Variants in CACNA2D3 observed in about 807,000 individuals in gnomAD.
CACNA2D3 encodes calcium voltage-gated channel auxiliary subunit alpha2delta 3.
A neutral mutation model predicts 160.6 loss-of-function variants in CACNA2D3; 60 were observed. The observed-to-expected ratio is 0.37, with a 90% CI of 0.30 to 0.46. The LOEUF is 0.46. CACNA2D3 is among the 20% of genes least tolerant of loss of function. The pLI, the probability that CACNA2D3 is intolerant of heterozygous loss-of-function variation, is 1.00. For missense variants in CACNA2D3, 1,205 were observed against 1,365.0 expected, an observed-to-expected ratio of 0.88 and a Z score of 1.85; for synonymous variants, 558 against 492.9, an observed-to-expected ratio of 1.13 and a Z score of -1.75.
intron 11 of CACNA2D3, among the ~76,000 whole-genome samples, chr3:54,672,574 G>A (rs951105804): frequency 6.6e-6 from 1 of 152,210 alleles, no homozygotes; most frequent in Non-Finnish European, 1.5e-5. Flanking sequence ...GTTGGGAATA[G>A]TATGTGCTAT....
At chr3:54,812,565 G>C (rs1341202471) in intron 13 of CACNA2D3, among the ~76,000 whole-genome samples, 1 of 152,112 alleles carries the variant, frequency 6.6e-6, no homozygotes, top group Non-Finnish European at 1.5e-5. Context: ...ATGGTGGCTG[G>C]GTTCTCTGTC....
intron 2 of CACNA2D3, among the ~76,000 whole-genome samples, chr3:54,149,563 C>T (rs928789483): frequency 2.0e-5 from 3 of 152,106 alleles, no homozygotes; most frequent in African/African-American, 7.2e-5. Flanking sequence ...GGCCCACAGA[C>T]TCCTCCTCTC....
At chr3:54,548,600 A>C (rs893836446) in intron 5 of CACNA2D3, among the ~76,000 whole-genome samples, 38 of 152,142 alleles carry the variant, frequency 2.5e-4, no homozygotes, top group African/African-American at 8.7e-4. Flanking sequence ...TTCAGTAGAC[A>C]CCACCTTCTT....
chr3:54,885,436 C>T lies in CACNA2D3; in HGVS notation c.1959-53C>T. 2 of 1,596,590 alleles carry T rather than the reference C, an allele frequency of 1.3e-6. 1 individual carries two copies. Among genetic ancestry groups the T allele is most frequent in the South Asian group, 2.2e-5 (2 of 90,694 alleles). ...TTTCCTGATTCCAAGGCAAAGGAAG[C>T]AGATGCTGTAAATATTGACATGCTC... On this transcript the variant is annotated intron_variant, in intron 22 of 37. Transcript: ENST00000474759.
intron 16 of CACNA2D3, among the ~76,000 whole-genome samples, chr3:54,838,892 C>T (rs1176340414): frequency 6.6e-6 from 1 of 151,976 alleles, no homozygotes; most frequent in African/African-American, 2.4e-5. Flanking sequence ...AATGTTATAT[C>T]TTAAGTTTTG....
intron 2 of CACNA2D3, among the ~76,000 whole-genome samples, chr3:54,288,956 C>G (rs952648786): frequency 2.6e-4 from 39 of 152,126 alleles, no homozygotes; most frequent in Non-Finnish European, 2.5e-4. Flanking sequence ...AACCCACAGC[C>G]AATATCATAC....
At chr3:54,714,461 G>A (rs1162270315) in intron 11 of CACNA2D3, among the ~76,000 whole-genome samples, 1 of 152,086 alleles carries the variant, frequency 6.6e-6, no homozygotes, top group Non-Finnish European at 1.5e-5. Context: ...CAGTCCTGTA[G>A]CCACTCTCAG....
At chr3:54,422,977 T>C (rs1013895198) in intron 4 of CACNA2D3, among the ~76,000 whole-genome samples, 1 of 152,182 alleles carries the variant, frequency 6.6e-6, no homozygotes, top group Non-Finnish European at 1.5e-5. Context: ...CGTTATTCCT[T>C]CTAGAATGAA....
At chr3:54,335,285 T>G (rs1047043324) in intron 3 of CACNA2D3, among the ~76,000 whole-genome samples, 11 of 152,204 alleles carry the variant, frequency 7.2e-5, no homozygotes, top group Non-Finnish European at 1.2e-4. Context: ...TAAAGTAAAG[T>G]GAAAGCAAGT....
chr3:55,045,215 A>AT (rs1704048873), intron 35 of CACNA2D3, among the ~76,000 whole-genome samples: 1 of 152,014 alleles, frequency 6.6e-6, no homozygotes, highest in Non-Finnish European at 1.5e-5. Context: ...TGACTGGCTA[A>AT]TTTTTTGTAT....
chr3:54,194,090 T>G (rs1317182366), intron 2 of CACNA2D3, among the ~76,000 whole-genome samples: 1 of 151,488 alleles, frequency 6.6e-6, no homozygotes, highest in Non-Finnish European at 1.5e-5. Flanking sequence ...TGAGTGGTGG[T>G]GGGGGATAAA....
intron 3 of CACNA2D3, among the ~76,000 whole-genome samples, chr3:54,323,576 C>G (rs1381004784): frequency 1.3e-5 from 2 of 151,832 alleles, no homozygotes; most frequent in Non-Finnish European, 2.9e-5. Context: ...ACGCCTTTCT[C>G]CTGCCTCAGC....
intron 35 of CACNA2D3, among the ~76,000 whole-genome samples, chr3:55,061,842 A>G (rs932247165): frequency 1.6e-4 from 25 of 152,222 alleles, no homozygotes; most frequent in African/African-American, 2.9e-4. Flanking sequence ...ATGCCTGGAC[A>G]GGACTAGCTC....
intron 11 of CACNA2D3, among the ~76,000 whole-genome samples, chr3:54,733,245 A>T (rs893263891): frequency 6.6e-5 from 10 of 152,200 alleles, no homozygotes; most frequent in Admixed American, 6.5e-4. Context: ...GTGTCCCCTT[A>T]AGCGGATTTT....
chr3:54,364,411 T>G (rs146300248), intron 3 of CACNA2D3, among the ~76,000 whole-genome samples: 2 of 152,354 alleles, frequency 1.3e-5, no homozygotes, highest in African/African-American at 4.8e-5. Context: ...AAAAATGTTT[T>G]GTAGGCTTTA....
At chr3:54,280,324 G>A (rs541881165) in intron 2 of CACNA2D3, among the ~76,000 whole-genome samples, 116 of 152,102 alleles carry the variant, frequency 7.6e-4, no homozygotes, top group African/African-American at 2.5e-3. Flanking sequence ...CTCATGATCC[G>A]CCCTCCTCGG....
rs1553907406 is a variant in CACNA2D3 at position 54,891,180 on chromosome 3, C to CGCGTGT, written c.2151-174_2151-173insCGTGTG. Among the ~76,000 whole-genome samples the CGCGTGT allele has an allele frequency of 3.1e-4, 44 of 141,994 alleles. No individual in the cohort carries two copies. In the Middle Eastern group the frequency reaches 0.015, roughly 49 times the overall value. 93.2% of individuals were successfully genotyped at this position (141,994 alleles called of 152,430 possible). A position where few individuals can be genotyped will look rare whatever the true frequency, so the allele number is the denominator to read the frequency against. ...GGGATACAAGTTGGCAATCTGTGCT[C>CGCGTGT]GTGTGTGTGTGTGTGTGTGTGTGTG... On this transcript the variant is annotated intron_variant, in intron 24 of 37. Coordinates refer to ENST00000474759, the MANE Select transcript of CACNA2D3 (RefSeq NM_018398.3).
At position 54,988,682 on chromosome 3, in the gene CACNA2D3, A is replaced by G. The variant is rs532044933; in HGVS notation, c.2690+929A>G. On this transcript the variant is annotated intron_variant, in intron 31 of 37. Transcript: ENST00000474759. ...CTCTTCTGCGGCTGAATGGCTAGGA[A>G]GTGTTAGCTCAGGAAATCAGACTTT... Among the ~76,000 whole-genome samples, 60 of 152,342 alleles carry G rather than the reference A, an allele frequency of 3.9e-4. No individual in the cohort carries two copies. In the Middle Eastern group the frequency reaches 0.014, roughly 35 times the overall value.
intron 9 of CACNA2D3, chr3:54,626,392 C>T (rs1481766062): frequency 2.5e-6 from 4 of 1,570,296 alleles, no homozygotes; most frequent in African/African-American, 1.3e-5. Context: ...GAAGTGCCTG[C>T]GCAAGGCCAA....
Sources: allele counts gnomAD v4.1 joint callset (sites outside exome capture counted in the v4.1 genomes callset), GRCh38; gene constraint gnomAD v4.1.1; transcripts MANE v1.5; gene names NCBI Gene and HGNC (gene_info 2026-07-23, HGNC 2026-07-21).